Variants in SPATS2 observed in about 807,000 individuals in gnomAD.
SPATS2 encodes the protein spermatogenesis associated serine rich 2, also known as spermatogenesis-associated serine-rich protein 2.
SPATS2 carries 38 observed loss-of-function variants against 63.7 expected under a neutral mutation model. The observed-to-expected ratio is 0.60, with a 90% confidence interval of 0.46 to 0.78. The LOEUF is 0.78. Ranked by LOEUF, SPATS2 falls within the 30% of genes least tolerant of loss-of-function variation. The pLI is 0.00. For synonymous variants in SPATS2, 207 were observed against 232.9 expected, an observed-to-expected ratio of 0.89 and a Z score of 1.01; for missense variants, 588 against 666.2, an observed-to-expected ratio of 0.88 and a Z score of 1.29.
intron 3 of SPATS2, among the ~76,000 whole-genome samples, chr12:49,469,321 C>T (rs1009177457): frequency 1.5e-5 from 2 of 134,140 alleles, no homozygotes; most frequent in African/African-American, 5.7e-5. Context: ...ACCCAGGAGG[C>T]GGAGGTTGCA....
At chr12:49,397,321 G>A (rs554616724) in intron 2 of SPATS2, among the ~76,000 whole-genome samples, 1 of 152,238 alleles carries the variant, frequency 6.6e-6, no homozygotes, top group South Asian at 2.1e-4. Flanking sequence ...TGAGGGTAGG[G>A]ACTTTGTCTT....
At chr12:49,516,204 T>TATATATATAAATAAATAA (rs764472141) in intron 10 of SPATS2, among the ~76,000 whole-genome samples, 1 of 70,704 alleles carries the variant, frequency 1.4e-5, no homozygotes, top group African/African-American at 5.3e-5. Context: ...TATATATATA[T>TATATATATAAATAAATAA]ATATAAATCA....
chr12:49,506,343 C>G (rs541261663), intron 9 of SPATS2, among the ~76,000 whole-genome samples: 13 of 152,296 alleles, frequency 8.5e-5, no homozygotes, highest in African/African-American at 2.9e-4. Flanking sequence ...ACTCACACTT[C>G]TACGTGGCTG....
chr12:49,452,282 A>T (rs7132684), intron 2 of SPATS2, among the ~76,000 whole-genome samples: 45,171 of 152,042 alleles, frequency 0.3, 9,034 homozygotes, highest in African/African-American at 0.57. Flanking sequence ...TTTACTTTTT[A>T]AAAAATTTTT....
rs1035049910 is a variant in SPATS2, at chr12:49,412,436, G to A, written c.-244+41146G>A. 2.0e-5 allele frequency among the ~76,000 whole-genome samples: 3 copies of A among 152,006 alleles called. No individual in the cohort carries two copies. The South Asian group carries it at 6.3e-4, about 32-fold the overall frequency. ...TCTTAAACTCCTGACTCCTGACCTC[G>A]GGTGATCGGCCTGCCTTGGCCTCCC... On this transcript the variant is annotated intron_variant, in intron 2 of 13. Coordinates refer to ENST00000552918, the MANE Select transcript of SPATS2 (RefSeq NM_023071.4).
chr12:49,456,317 A>G (rs1258059562), intron 2 of SPATS2, among the ~76,000 whole-genome samples: 2 of 152,228 alleles, frequency 1.3e-5, no homozygotes, highest in Non-Finnish European at 2.9e-5. Context: ...TATTCCATGT[A>G]GATAACTGTG....
chr12:49,516,102 T>TGTTGC (rs1471777463), intron 10 of SPATS2, among the ~76,000 whole-genome samples: 1 of 120,486 alleles, frequency 8.3e-6, no homozygotes, highest in African/African-American at 3.1e-5. Context: ...ATTGCGCCAC[T>TGTTGC]GCACTCCAGC....
intron 1 of SPATS2, among the ~76,000 whole-genome samples, chr12:49,368,309 A>C (rs1056463652): frequency 1.1e-4 from 16 of 152,220 alleles, no homozygotes; most frequent in Non-Finnish European, 1.9e-4. Context: ...TTGATAAAAC[A>C]TGCCTGTGAT....
chr12:49,524,541 T>C (rs1398331634), intron 12 of SPATS2, 141 bp from the exon 13 acceptor site: 9 of 828,318 alleles, frequency 1.1e-5, no homozygotes, highest in Non-Finnish European at 1.5e-5. Flanking sequence ...TTTCTTCCTG[T>C]TACCAGTTTT....
chr12:49,483,235 G>A (rs1446438447), intron 3 of SPATS2, among the ~76,000 whole-genome samples: 2 of 150,564 alleles, frequency 1.3e-5, no homozygotes, highest in Non-Finnish European at 2.9e-5. Context: ...TTGGTGGTTT[G>A]ATTCACTAAT....
chr12:49,369,589 G>C (rs898255106), intron 1 of SPATS2, among the ~76,000 whole-genome samples: 2 of 152,122 alleles, frequency 1.3e-5, no homozygotes, highest in African/African-American at 4.8e-5. Flanking sequence ...GCATGAACTG[G>C]TTGAAACTTG....
At chr12:49,465,403 G>A (rs1945895053) in intron 3 of SPATS2, among the ~76,000 whole-genome samples, 1 of 151,816 alleles carries the variant, frequency 6.6e-6, no homozygotes, top group Non-Finnish European at 1.5e-5. Context: ...TAATAGATGT[G>A]TAATGGTATC....
chr12:49,396,749 G>C (rs908596180), intron 2 of SPATS2, among the ~76,000 whole-genome samples: 9 of 152,176 alleles, frequency 5.9e-5, no homozygotes, highest in Non-Finnish European at 1.0e-4. Context: ...TTCATGGATG[G>C]AGCAGTCCTT....
intron 2 of SPATS2, among the ~76,000 whole-genome samples, chr12:49,438,775 A>T (rs965140775): frequency 2.0e-5 from 3 of 152,198 alleles, no homozygotes; most frequent in African/African-American, 7.2e-5. Context: ...TATAACCCTC[A>T]TGATCAGGAG....
chr12:49,381,949 A>G (rs1944230411), intron 2 of SPATS2, among the ~76,000 whole-genome samples: 1 of 152,204 alleles, frequency 6.6e-6, no homozygotes, highest in Non-Finnish European at 1.5e-5. Flanking sequence ...AAGCAGAACA[A>G]ACAGCCATAT....
At chr12:49,372,799 T>C (rs1350512046) in intron 2 of SPATS2, among the ~76,000 whole-genome samples, 2 of 152,122 alleles carry the variant, frequency 1.3e-5, no homozygotes, top group Non-Finnish European at 2.9e-5. Flanking sequence ...AAAGTAAGAT[T>C]GGTTGAAGTC....
intron 2 of SPATS2, chr12:49,406,451 A>AT (rs370374617): frequency 0.093 from 13,880 of 149,274 alleles, 731 homozygotes; most frequent in African/African-American, 0.14. Flanking sequence ...TACCTGACTA[A>AT]TTTTTTTTTT....
intron 3 of SPATS2, among the ~76,000 whole-genome samples, chr12:49,477,866 A>G (rs1383158603): frequency 1.3e-5 from 2 of 149,394 alleles, no homozygotes; most frequent in African/African-American, 4.9e-5. Context: ...AAACAGTCGT[A>G]TTTCCTCCAA....
intron 4 of SPATS2, among the ~76,000 whole-genome samples, chr12:49,487,289 G>A (rs949840897): frequency 2.0e-5 from 3 of 152,056 alleles, no homozygotes; most frequent in South Asian, 2.1e-4. Flanking sequence ...TCAGGAGTTC[G>A]AGACCATCCT....
Sources: gnomAD v4.1 joint callset for allele counts (sites outside exome capture counted in the v4.1 genomes callset) on GRCh38, gnomAD v4.1.1 for gene constraint, MANE v1.5 for transcripts, NCBI Gene and HGNC (gene_info 2026-07-23, HGNC 2026-07-21) for gene names.